BCAS3: variants seen among roughly 807,000 people sequenced by gnomAD.
BCAS3 encodes BCAS3 microtubule associated cell migration factor.
In BCAS3, 53 loss-of-function variants were observed where a neutral mutation model predicts 116.1. The observed-to-expected ratio is 0.46, with a 90% CI of 0.37 to 0.57. BCAS3 has a LOEUF of 0.57. Ranked by LOEUF, BCAS3 falls within the 20% of genes least tolerant of loss-of-function variation. The pLI, the probability that BCAS3 is intolerant of heterozygous loss-of-function variation, is 0.00. For synonymous variants in BCAS3, 391 were observed against 408.2 expected (o/e 0.96, Z 0.51); for missense variants, 917 against 1,165.4 (o/e 0.79, Z 3.10).
chr17:61,158,113 CTAG>C (rs1454535050), intron 22 of BCAS3, among the ~76,000 whole-genome samples: 3 of 152,040 alleles, frequency 2.0e-5, no homozygotes, highest in African/African-American at 7.2e-5. Flanking sequence ...CTGTAAAATG[CTAG>C]TCAGTTTGGA....
chr17:61,108,722 A>G (rs182577854), intron 22 of BCAS3, among the ~76,000 whole-genome samples: 1 of 150,982 alleles, frequency 6.6e-6, no homozygotes, highest in African/African-American at 2.4e-5. Flanking sequence ...CGAGCAGTGT[A>G]CACTGTATCC....
intron 2 of BCAS3, among the ~76,000 whole-genome samples, chr17:60,681,911 G>T (rs949780304): frequency 6.6e-6 from 1 of 151,980 alleles, no homozygotes; most frequent in Admixed American, 6.6e-5. Context: ...GTATTTTTTA[G>T]TAGAGACAGG....
chr17:61,201,468 A>G (rs2080811092), intron 22 of BCAS3, among the ~76,000 whole-genome samples: 1 of 152,240 alleles, frequency 6.6e-6, no homozygotes, highest in Non-Finnish European at 1.5e-5. Context: ...ACATGTTTAA[A>G]TAGCTAAATA....
At chr17:60,862,175 C>T (rs901476373) in intron 7 of BCAS3, among the ~76,000 whole-genome samples, 3 of 152,100 alleles carry the variant, frequency 2.0e-5, no homozygotes, top group East Asian at 1.9e-4. Flanking sequence ...CCCAGCTATT[C>T]GAGAGGCTGA....
intron 14 of BCAS3, among the ~76,000 whole-genome samples, chr17:60,983,441 A>G (rs1408187725): frequency 6.6e-6 from 1 of 152,046 alleles, no homozygotes; most frequent in Non-Finnish European, 1.5e-5. Flanking sequence ...ATCCTCTGTA[A>G]TGTTATTTAA....
intron 4 of BCAS3, 125 bp from the exon 5 acceptor site, chr17:60,709,094 A>G: frequency 1.8e-6 from 1 of 546,460 alleles, no homozygotes; most frequent in Non-Finnish European, 3.2e-6. Flanking sequence ...CTGGCTATGA[A>G]GAGAAGAGAG....
intron 14 of BCAS3, among the ~76,000 whole-genome samples, chr17:60,976,490 G>A (rs2062385314): frequency 6.6e-6 from 1 of 151,624 alleles, no homozygotes; most frequent in South Asian, 2.1e-4. Context: ...CTCGGAGAGG[G>A]GGATTTGGCA....
Position 61,346,063 on chromosome 17 carries a change from T to C in BCAS3, c.2426-22264T>C, listed in dbSNP as rs1329957375. Among the ~76,000 whole-genome samples, 1 of 152,146 alleles carries C rather than the reference T, an allele frequency of 6.6e-6. No individual in the cohort carries two copies. Among genetic ancestry groups the C allele is most frequent in the East Asian group, 1.9e-4 (1 of 5,188 alleles). ...TGGCTTGGTCATGCACCTGACATCATACTTTTAGTGCTTGGCAGGAGTGGT... is the reference window on the plus strand; with the variant it reads ...TGGCTTGGTCATGCACCTGACATCACACTTTTAGTGCTTGGCAGGAGTGGT... On this transcript the variant is annotated intron_variant, in intron 22 of 23. Coordinates refer to ENST00000407086, the MANE Select transcript of BCAS3 (RefSeq NM_017679.5). The surrounding 1 kb of genome is among the most constrained non-coding windows in gnomAD (Gnocchi z 5.4).
chr17:61,003,940 C>G (rs1162178565), intron 15 of BCAS3: 3 of 152,074 alleles, frequency 2.0e-5, no homozygotes, highest in African/African-American at 7.2e-5. Flanking sequence ...ATCCGTAGGT[C>G]TTTTCATGTA....
At chr17:61,001,887 A>T (rs879427758) in intron 15 of BCAS3, among the ~76,000 whole-genome samples, 7 of 152,120 alleles carry the variant, frequency 4.6e-5, no homozygotes, top group Non-Finnish European at 5.9e-5. Flanking sequence ...AGAGCAGATG[A>T]GTTTGTTAGG....
At chr17:61,175,055 G>A (rs762367662) in intron 22 of BCAS3, among the ~76,000 whole-genome samples, 3 of 152,220 alleles carry the variant, frequency 2.0e-5, no homozygotes, top group Admixed American at 6.5e-5. Context: ...AGAACAGCTT[G>A]AAGGCTGACA....
In BCAS3 at chr17:61,233,279, C is replaced by A. The variant is rs1449331716; in HGVS notation, c.2426-135048C>A. On this transcript the variant is annotated intron_variant, in intron 22 of 23. Coordinates refer to ENST00000407086, the MANE Select transcript of BCAS3 (RefSeq NM_017679.5). This position sits in a 1 kb window ranked among gnomAD's most constrained non-coding sequence, Gnocchi z 4.3. ...ATTTAGGAAGCTTCACACCTTTGAG[C>A]CCCAGGGAAGAGTTTGGACCCCAGG... Among the ~76,000 whole-genome samples the A allele has an allele frequency of 6.6e-6, 1 of 152,138 alleles. No individual in the cohort carries two copies. Among genetic ancestry groups the A allele is most frequent in the Non-Finnish European group, 1.5e-5 (1 of 68,020 alleles).
Position 61,349,633 on chromosome 17 carries a change from A to G in BCAS3, c.2426-18694A>G, listed in dbSNP as rs576835279. Among the ~76,000 whole-genome samples the G allele has an allele frequency of 3.9e-5, 6 of 152,280 alleles. No individual in the cohort carries two copies. In the South Asian group the frequency reaches 6.2e-4, roughly 16 times the overall value. On this transcript the variant is annotated intron_variant, in intron 22 of 23. Transcript: ENST00000407086. The surrounding 1 kb of genome is among the most constrained non-coding windows in gnomAD (Gnocchi z 4.7). Reference sequence around the variant, plus strand: ...ATCCAACATGTTTTTTAAAGCTAGCATATGTTTCAAAGCTGACTATTAAAG... The same window carrying G: ...ATCCAACATGTTTTTTAAAGCTAGCGTATGTTTCAAAGCTGACTATTAAAG...
At position 61,300,175 on chromosome 17, in the gene BCAS3, A is replaced by G. The variant is rs1240423537; in HGVS notation, c.2426-68152A>G. On this transcript the variant is annotated intron_variant, in intron 22 of 23. Coordinates refer to ENST00000407086, the MANE Select transcript of BCAS3 (RefSeq NM_017679.5). The surrounding 1 kb of genome is among the most constrained non-coding windows in gnomAD (Gnocchi z 5.1). ...TTAGAAGTAAATACAGCTTATACTG[A>G]AAGGACAAAACAGCCAGCCAGTCTT... Among the ~76,000 whole-genome samples, 1 of 152,196 alleles carries G rather than the reference A, an allele frequency of 6.6e-6. No homozygotes were observed. The highest frequency in any genetic ancestry group is 1.5e-5 in the Non-Finnish European group (1 of 68,036).
intron 19 of BCAS3, among the ~76,000 whole-genome samples, chr17:61,052,715 C>CTTTTTTT (rs60772345): frequency 1.0e-4 from 13 of 124,932 alleles, no homozygotes; most frequent in African/African-American, 1.1e-4. Flanking sequence ...TTCTTTCTTT[C>CTTTTTTT]TTTTTTTTTT....
At position 61,363,191 on chromosome 17, in the gene BCAS3, C is replaced by T. The variant is rs2058544783; in HGVS notation, c.2426-5136C>T. Among the ~76,000 whole-genome samples, 1 of 152,164 alleles carries T rather than the reference C, an allele frequency of 6.6e-6. No homozygotes were observed. The highest frequency in any genetic ancestry group is 1.5e-5 in the Non-Finnish European group (1 of 68,032). On this transcript the variant is annotated intron_variant, in intron 22 of 23. Transcript: ENST00000407086. This position sits in a 1 kb window ranked among gnomAD's most constrained non-coding sequence, Gnocchi z 4.9. The stretch of plus-strand genomic sequence containing the variant: ...GTCCACAGGTGGGTTTCAGAGGCAT[C>T]CATAGATGCCCCAAAATTGCCCGCA...
rs549591356 is a variant in BCAS3, at chr17:61,267,198, C to T, written c.2426-101129C>T. Among the ~76,000 whole-genome samples, 3 of 151,970 alleles carry T rather than the reference C, an allele frequency of 2.0e-5. No individual in the cohort carries two copies. In the South Asian group the frequency reaches 6.3e-4, roughly 32 times the overall value. On this transcript the variant is annotated intron_variant, in intron 22 of 23. Transcript: ENST00000407086. ...TCAGCCTCCCAAGTAGCTGGGACTA[C>T]AGGCATCTGCCACCATGCCCAGCTA...
intron 22 of BCAS3, among the ~76,000 whole-genome samples, chr17:61,262,081 T>A (rs2049254699): frequency 6.6e-6 from 1 of 152,208 alleles, no homozygotes; most frequent in South Asian, 2.1e-4. Context: ...ACAGCTGACC[T>A]TATTTGCAGA....
At position 61,241,907 on chromosome 17, in the gene BCAS3, G is replaced by A. The variant is rs775713950; in HGVS notation, c.2426-126420G>A. ...TCAGGTTTTTTCTTGTTTGTTTGTT[G>A]TTTACTAAAGAGGAATCATTTCTCA... On this transcript the variant is annotated intron_variant, in intron 22 of 23. Transcript: ENST00000407086. The surrounding 1 kb of genome is among the most constrained non-coding windows in gnomAD (Gnocchi z 4.6). Among the ~76,000 whole-genome samples, 6 of 152,084 alleles carry A rather than the reference G, an allele frequency of 3.9e-5. No homozygotes were observed. The highest frequency in any genetic ancestry group is 7.4e-5 in the Non-Finnish European group (5 of 67,998).
Sources: allele counts gnomAD v4.1 joint callset (sites outside exome capture counted in the v4.1 genomes callset), GRCh38; gene constraint gnomAD v4.1.1; non-coding constraint Gnocchi (gnomAD v3.1); transcripts MANE v1.5; gene names NCBI Gene and HGNC (gene_info 2026-07-23, HGNC 2026-07-21).